Variants in NR3C1 observed in about 807,000 individuals in gnomAD.
NR3C1 encodes the protein glucocorticoid receptor.
Under a neutral mutation model 74.0 loss-of-function variants are expected in NR3C1, and 14 were observed. The observed-to-expected ratio is 0.19, with a 90% CI of 0.12 to 0.30. NR3C1 has a LOEUF of 0.30. Among genes scored for constraint, NR3C1 ranks in the 10% least tolerant of loss-of-function variants. NR3C1 has a pLI of 1.00. For missense variants in NR3C1, 695 were observed against 909.8 expected (o/e 0.76, Z 3.04); for synonymous variants, 308 against 332.5 (o/e 0.93, Z 0.80).
chr5:143,293,361 A>G (rs2151521949), intron 7 of NR3C1, among the ~76,000 whole-genome samples: 2 of 152,202 alleles, frequency 1.3e-5, no homozygotes, highest in South Asian at 4.2e-4. Flanking sequence ...GATATTATGG[A>G]CTTTGTGGAC....
upstream of NR3C1, chr5:143,404,176 C>G (rs1242003123): frequency 3.0e-6 from 3 of 985,396 alleles, no homozygotes; most frequent in Middle Eastern, 5.2e-4. Flanking sequence ...GGGGCGCCTC[C>G]CGCGGCTGAG....
chr5:143,349,436 T>C (rs1370082037), intron 2 of NR3C1, among the ~76,000 whole-genome samples: 1 of 152,202 alleles, frequency 6.6e-6, no homozygotes, highest in African/African-American at 2.4e-5. Flanking sequence ...TAGAAGACTT[T>C]ACCCCTTCTG....
intron 2 of NR3C1, among the ~76,000 whole-genome samples, chr5:143,370,850 A>G (rs529826721): frequency 1.3e-5 from 2 of 152,334 alleles, no homozygotes; most frequent in Middle Eastern, 3.4e-3. Context: ...TAAAAGCAAG[A>G]TATCAGGAAC....
Position 143,310,995 on chromosome 5 carries a change from T to C in NR3C1, c.1352-782A>G, listed in dbSNP as rs546084046. On this transcript the variant is annotated intron_variant, in intron 3 of 8. Coordinates refer to ENST00000394464, the MANE Select transcript of NR3C1 (RefSeq NM_000176.3). ...TAAACAAATAATAGTTTGGGGTAGA[T>C]GGTTAACTGTATCAGGTTCAATTCT... 6.6e-5 allele frequency among the ~76,000 whole-genome samples: 10 copies of C among 152,354 alleles called. No homozygotes were observed. The South Asian group carries it at 2.1e-3, about 32-fold the overall frequency.
chr5:143,295,580 T>A lies in NR3C1; in HGVS notation c.1903A>T (p.Thr635Ser), dbSNP rs745665712. 6.2e-7 allele frequency: 1 copy of A among 1,611,056 alleles called. No individual in the cohort carries two copies. Among genetic ancestry groups the A allele is most frequent in the African/African-American group, 1.3e-5 (1 of 74,762 alleles). ...PDLIINEQRM[T>S]LPCMYDQCKH... is the part of the protein sequence containing the mutation. ...CATTGGTCGTACATGCAGGGTAGAG[T>A]CATTCTCTGCCTGTGAAAGATAAAT... is the stretch of plus-strand genomic sequence containing the variant. Residue 635 changes from threonine (T) to serine (S), a missense_variant, in exon 7 of 9, where the codon ACT (threonine) becomes TCT (serine). By Grantham distance (58) the Thr-to-Ser change is moderately conservative. Coordinates refer to ENST00000394464, the MANE Select transcript of NR3C1 (RefSeq NM_000176.3).
chr5:143,283,199 C>T (rs1421634577), intron 7 of NR3C1, among the ~76,000 whole-genome samples: 1 of 152,188 alleles, frequency 6.6e-6, no homozygotes, highest in East Asian at 1.9e-4. Flanking sequence ...ACTTTTTATA[C>T]ATGCAAGATG....
chr5:143,390,267 ATATAT>A, intron 2 of NR3C1, among the ~76,000 whole-genome samples: 1 of 152,294 alleles, frequency 6.6e-6, no homozygotes, highest in Admixed American at 6.5e-5. Context: ...AAAGTCAAAA[ATATAT>A]TAATTTTATA....
chr5:143,355,305 A>G (rs954142110), intron 2 of NR3C1, among the ~76,000 whole-genome samples: 3 of 152,162 alleles, frequency 2.0e-5, no homozygotes, highest in African/African-American at 7.2e-5. Flanking sequence ...CCAAAATTCT[A>G]ATTTAGGAAA....
intron 1 of NR3C1, among the ~76,000 whole-genome samples, chr5:143,424,506 C>G (rs1442378964): frequency 6.6e-6 from 1 of 151,816 alleles, no homozygotes; most frequent in African/African-American, 2.4e-5. Flanking sequence ...TCTTATGTAT[C>G]CATAATAATT....
At chr5:143,317,479 G>C (rs1319304529) in intron 2 of NR3C1, among the ~76,000 whole-genome samples, 2 of 152,200 alleles carry the variant, frequency 1.3e-5, no homozygotes, top group Admixed American at 6.5e-5. Flanking sequence ...CTATTGCTAG[G>C]GTGCTTGCTT....
chr5:143,330,324 G>A (rs999954201), intron 2 of NR3C1, among the ~76,000 whole-genome samples: 2 of 152,192 alleles, frequency 1.3e-5, no homozygotes, highest in Non-Finnish European at 2.9e-5. Context: ...GGTAGCTACT[G>A]TTGTAGTGGG....
In NR3C1 at chr5:143,400,194, C is replaced by T. The variant is rs747520996; in HGVS notation, c.646G>A (p.Asp216Asn). The T allele has an allele frequency of 5.0e-6, 8 of 1,612,562 alleles. No individual in the cohort carries two copies. Among genetic ancestry groups the T allele is most frequent in the Non-Finnish European group, 5.9e-6 (7 of 1,179,466 alleles). Residue 216 changes from aspartate to asparagine, a missense_variant, in exon 2 of 9, where the codon GAC becomes AAC. Physicochemically the swap from Asp to Asn is conservative, Grantham distance 23. Transcript: ENST00000394464. ...KETNESPWRSDLLIDENCLLS... is the reference protein window; with the variant it reads ...KETNESPWRSNLLIDENCLLS... ...AAACAGTTTTCATCTATCAACAGGTCTGATCTCCAAGGACTCTCATTCGTC... is the reference window on the plus strand; with the variant it reads ...AAACAGTTTTCATCTATCAACAGGTTTGATCTCCAAGGACTCTCATTCGTC...
chr5:143,336,969 C>A (rs558671388), intron 2 of NR3C1, among the ~76,000 whole-genome samples: 2 of 148,088 alleles, frequency 1.4e-5, no homozygotes, highest in African/African-American at 2.4e-5. Flanking sequence ...CAGAGTGAGA[C>A]CCTGTCTCAA....
intron 2 of NR3C1, among the ~76,000 whole-genome samples, chr5:143,377,516 CTTAA>C (rs537944054): frequency 2.0e-5 from 3 of 152,216 alleles, no homozygotes; most frequent in South Asian, 4.1e-4. Context: ...TTAATTGTTT[CTTAA>C]TTATTTCATG....
chr5:143,404,240 A>T, upstream of NR3C1: 1 of 985,308 alleles, frequency 1.0e-6, no homozygotes, highest in Non-Finnish European at 1.2e-6. Context: ...GAAGTGTGTC[A>T]CTTCGAAAGG....
At chr5:143,427,174 G>A (rs1015579934) in intron 1 of NR3C1, among the ~76,000 whole-genome samples, 4 of 151,996 alleles carry the variant, frequency 2.6e-5, no homozygotes, top group Non-Finnish European at 4.4e-5. Context: ...TCATTATTTT[G>A]TGTGACAAAC....
At chr5:143,337,511 T>C (rs1480334166) in intron 2 of NR3C1, among the ~76,000 whole-genome samples, 2 of 152,350 alleles carry the variant, frequency 1.3e-5, no homozygotes, top group Non-Finnish European at 2.9e-5. Context: ...AATGTGCATA[T>C]ACAGTAAAAT....
Position 143,282,688 on chromosome 5 carries a change from A to T in NR3C1, c.2061T>A (p.Asp687Glu). 2 of 1,613,828 alleles carry T rather than the reference A, an allele frequency of 1.2e-6. No homozygotes were observed. The highest frequency in any genetic ancestry group is 1.7e-6 in the Non-Finnish European group (2 of 1,179,934). Residue 687 changes from aspartate (D) to glutamate (E), a missense_variant, in exon 8 of 9, where the codon GAT becomes GAA. Asp to Glu is a conservative substitution (Grantham distance 45). Coordinates refer to ENST00000394464, the MANE Select transcript of NR3C1 (RefSeq NM_000176.3). ...KDGLKSQELFDEIRMTYIKEL... is the reference protein window; with the variant it reads ...KDGLKSQELFEEIRMTYIKEL... Reference sequence around the variant, plus strand: ...CTTTGATGTAGGTCATTCTAATTTCATCAAATAGCTCTTGGCTCTTCAGAC... The same window carrying T: ...CTTTGATGTAGGTCATTCTAATTTCTTCAAATAGCTCTTGGCTCTTCAGAC...
chr5:143,426,004 G>A (rs553604539), intron 1 of NR3C1, among the ~76,000 whole-genome samples: 1 of 152,288 alleles, frequency 6.6e-6, no homozygotes, highest in Admixed American at 6.5e-5. Flanking sequence ...AACAAATATG[G>A]TAGATTCAGA....
Sources: allele counts gnomAD v4.1 joint callset (sites outside exome capture counted in the v4.1 genomes callset), GRCh38; gene constraint gnomAD v4.1.1; transcripts MANE v1.5; gene names NCBI Gene and HGNC (gene_info 2026-07-23, HGNC 2026-07-21).